The following RBPMS variants were observed in gnomAD, a reference collection of about 807,000 sequenced individuals.
RBPMS encodes the protein RNA-binding protein with multiple splicing.
RBPMS carries 7 observed loss-of-function variants against 26.8 expected under a neutral mutation model. That is an observed-to-expected ratio of 0.26 (90% CI 0.15 to 0.49). RBPMS has a LOEUF of 0.49. Ranked by LOEUF, RBPMS falls within the 20% of genes least tolerant of loss-of-function variation. The probability of loss-of-function intolerance (pLI) is 0.98; values close to 1 mark genes in which losing one functional copy is unlikely to be tolerated. For synonymous variants in RBPMS, 96 were observed against 93.3 expected (o/e 1.03, Z -0.17); for missense variants, 186 against 250.0 (o/e 0.74, Z 1.73).
chr8:30,560,696 A>G (rs1390432046), intron 7 of RBPMS, among the ~76,000 whole-genome samples: 1 of 152,196 alleles, frequency 6.6e-6, no homozygotes, highest in African/African-American at 2.4e-5. Flanking sequence ...AAAGATTCTC[A>G]GAGCCTTTAT....
intron 1 of RBPMS, among the ~76,000 whole-genome samples, chr8:30,456,930 A>G (rs371881552): frequency 7.2e-5 from 11 of 152,256 alleles, no homozygotes; most frequent in African/African-American, 2.7e-4. Context: ...CACACACACA[A>G]AGAAACAACA....
intron 1 of RBPMS, among the ~76,000 whole-genome samples, chr8:30,430,762 T>C (rs1402757793): frequency 6.6e-6 from 1 of 152,204 alleles, no homozygotes; most frequent in Admixed American, 6.5e-5. Flanking sequence ...AGACTAAAGT[T>C]ATAGCCTCAT....
chr8:30,480,783 CACTTTAA>C (rs1206364175), intron 4 of RBPMS, among the ~76,000 whole-genome samples: 2 of 152,180 alleles, frequency 1.3e-5, no homozygotes, highest in Non-Finnish European at 2.9e-5. Flanking sequence ...AGTATAATGA[CACTTTAA>C]ACTTAAAAGT....
chr8:30,546,398 C>A (rs750139434), intron 6 of RBPMS, among the ~76,000 whole-genome samples: 2 of 152,166 alleles, frequency 1.3e-5, no homozygotes, highest in Non-Finnish European at 2.9e-5. Flanking sequence ...TCTGCTCATT[C>A]TTCATTCATG....
chr8:30,520,950 T>C (rs1006262112), intron 5 of RBPMS, among the ~76,000 whole-genome samples: 2 of 152,254 alleles, frequency 1.3e-5, no homozygotes, highest in Middle Eastern at 6.8e-3. Flanking sequence ...AACATGAAAT[T>C]AAGCTAAAAG....
intron 8 of RBPMS, among the ~76,000 whole-genome samples, chr8:30,568,710 C>T (rs1828063058): frequency 6.6e-6 from 1 of 152,212 alleles, no homozygotes; most frequent in Admixed American, 6.5e-5. Context: ...TCCATCCCTC[C>T]GTGGGGCTGT....
rs192820138 is a variant in RBPMS, at chr8:30,440,828, A to G, written c.67-33951A>G. 3.1e-3 allele frequency among the ~76,000 whole-genome samples: 464 copies of G among 147,330 alleles called. 1 individual carries two copies. The highest frequency in any genetic ancestry group is 5.0e-3 in the Non-Finnish European group (338 of 67,384). On this transcript the variant is annotated intron_variant, in intron 1 of 8. Coordinates refer to ENST00000397323, the MANE Select transcript of RBPMS (RefSeq NM_001008710.3). Reference sequence around the variant, plus strand: ...TTTTTTTAAGAGATAGGTTTTCACTATCTCACCCAGGGTGGGGTGCAGTGC... The same window carrying G: ...TTTTTTTAAGAGATAGGTTTTCACTGTCTCACCCAGGGTGGGGTGCAGTGC...
intron 1 of RBPMS, among the ~76,000 whole-genome samples, chr8:30,445,649 G>GATAT (rs59580323): frequency 0.015 from 1,620 of 107,304 alleles, 114 homozygotes; most frequent in African/African-American, 0.04. Flanking sequence ...TATACACACG[G>GATAT]ATATATATAT....
intron 5 of RBPMS, among the ~76,000 whole-genome samples, chr8:30,524,790 T>G (rs1386893040): frequency 6.6e-6 from 1 of 152,188 alleles, no homozygotes; most frequent in East Asian, 1.9e-4. Flanking sequence ...CCTTTTGTAT[T>G]TTTCAAAATA....
At position 30,416,091 on chromosome 8, in the gene RBPMS, G is replaced by T. The variant is rs180716363; in HGVS notation, c.66+30933G>T. On this transcript the variant is annotated intron_variant, in intron 1 of 8. Coordinates refer to ENST00000397323, the MANE Select transcript of RBPMS (RefSeq NM_001008710.3). ...CAATACCCTAGTGGTTTATGAGTTG[G>T]GAGAATTGTGTATACCCTAGCGATG... 9.9e-5 allele frequency among the ~76,000 whole-genome samples: 15 copies of T among 152,236 alleles called. 1 individual carries two copies. The highest frequency in any genetic ancestry group is 3.3e-4 in the Admixed American group (5 of 15,290).
intron 1 of RBPMS, among the ~76,000 whole-genome samples, chr8:30,454,730 T>C (rs1814999243): frequency 6.6e-6 from 1 of 152,216 alleles, no homozygotes. Flanking sequence ...GTGTTACACA[T>C]TGTTGAATCT....
At chr8:30,541,948 T>C (rs1369910706) in intron 5 of RBPMS, among the ~76,000 whole-genome samples, 1 of 152,254 alleles carries the variant, frequency 6.6e-6, no homozygotes, top group African/African-American at 2.4e-5. Context: ...GTGCTCAGGC[T>C]CATACTGGAA....
chr8:30,502,385 G>C (rs1284388299), intron 4 of RBPMS, among the ~76,000 whole-genome samples: 2 of 152,174 alleles, frequency 1.3e-5, no homozygotes, highest in African/African-American at 4.8e-5. Context: ...CACATGTGCA[G>C]CCTCATTTTC....
At chr8:30,493,108 G>A (rs2150894322) in intron 4 of RBPMS, among the ~76,000 whole-genome samples, 1 of 152,222 alleles carries the variant, frequency 6.6e-6, no homozygotes, top group Admixed American at 6.5e-5. Flanking sequence ...AAGTTTCTTT[G>A]GTGTCACTTG....
intron 5 of RBPMS, among the ~76,000 whole-genome samples, chr8:30,518,506 A>G (rs1822591364): frequency 6.6e-6 from 1 of 151,308 alleles, no homozygotes; most frequent in Non-Finnish European, 1.5e-5. Context: ...GCTCACTGCA[A>G]CCTCCACCTC....
chr8:30,556,420 G>A, intron 6 of RBPMS: 1 of 985,884 alleles, frequency 1.0e-6, no homozygotes, highest in Non-Finnish European at 1.2e-6. Context: ...GGTCAGAGAG[G>A]CTGGGGCAGG....
intron 4 of RBPMS, among the ~76,000 whole-genome samples, chr8:30,486,686 A>C (rs1277601494): frequency 6.6e-6 from 1 of 152,192 alleles, no homozygotes; most frequent in Non-Finnish European, 1.5e-5. Context: ...AAAGAAAAGT[A>C]GTCGGAAATT....
chr8:30,415,075 C>G lies in RBPMS; in HGVS notation c.66+29917C>G, dbSNP rs1422907590. Among the ~76,000 whole-genome samples, 4 of 152,338 alleles carry G rather than the reference C, an allele frequency of 2.6e-5. No homozygotes were observed. The East Asian group carries it at 7.7e-4, about 29-fold the overall frequency. ...AAAGATCCAAGTGTCTACACCACTT[C>G]TAGCTGGATGCTAATGTGTCCAGTA... On this transcript the variant is annotated intron_variant, in intron 1 of 8. Coordinates refer to ENST00000397323, the MANE Select transcript of RBPMS (RefSeq NM_001008710.3).
At chr8:30,501,339 C>G (rs975893188) in intron 4 of RBPMS, among the ~76,000 whole-genome samples, 2 of 150,818 alleles carry the variant, frequency 1.3e-5, no homozygotes, top group African/African-American at 4.9e-5. Context: ...TGAACTGCAC[C>G]TGGTGAACTT....
Sources: allele counts gnomAD v4.1 joint callset (sites outside exome capture counted in the v4.1 genomes callset), GRCh38; gene constraint gnomAD v4.1.1; transcripts MANE v1.5; gene names NCBI Gene and HGNC (gene_info 2026-07-23, HGNC 2026-07-21).